TG: variants seen among roughly 807,000 people sequenced by gnomAD.
TG encodes the protein thyroglobulin.
TG carries 270 observed loss-of-function variants against 324.7 expected under a neutral mutation model. The ratio of observed to expected loss-of-function variants is 0.83; its 90% CI spans 0.75 to 0.92. The LOEUF (loss-of-function observed/expected upper bound fraction) is 0.92, where lower values mean the gene tolerates loss of function less well. TG is among the 40% of genes least tolerant of loss of function. The pLI, the probability that TG is intolerant of heterozygous loss-of-function variation, is 0.00. For synonymous variants in TG, 1,401 were observed against 1,327.0 expected (o/e 1.06, Z -1.21); for missense variants, 3,591 against 3,456.4 (o/e 1.04, Z -0.98).
intron 26 of TG, 46 bp from the exon 27 acceptor site, chr8:132,948,730 G>C (rs1192748898): frequency 6.2e-7 from 1 of 1,603,128 alleles, no homozygotes; most frequent in African/African-American, 1.3e-5. Context: ...GTCTCTAAAG[G>C]TCCCCCTCCA....
chr8:133,091,936 T>C (rs1847614997), intron 41 of TG, among the ~76,000 whole-genome samples: 1 of 152,122 alleles, frequency 6.6e-6, no homozygotes, highest in Non-Finnish European at 1.5e-5. Flanking sequence ...TGTGTGTGTG[T>C]GTGTTTCCAT....
At chr8:133,097,957 T>C (rs539322162) in intron 43 of TG, among the ~76,000 whole-genome samples, 3 of 152,286 alleles carry the variant, frequency 2.0e-5, no homozygotes, top group Non-Finnish European at 4.4e-5. Flanking sequence ...TGAGTGAGTG[T>C]GTGTGTGTTG....
intron 35 of TG, among the ~76,000 whole-genome samples, chr8:132,999,185 G>A (rs1306011161): frequency 6.6e-6 from 1 of 152,126 alleles, no homozygotes; most frequent in Non-Finnish European, 1.5e-5. Flanking sequence ...CAGAGAGAAG[G>A]ACGAGCAGGA....
rs1262994175 is a variant in TG, at chr8:133,096,195, A to C, written c.7405-11A>C. 1 of 1,614,208 alleles carries C rather than the reference A, an allele frequency of 6.2e-7. No homozygotes were observed. Among genetic ancestry groups the C allele is most frequent in the Admixed American group, 1.7e-5 (1 of 60,026 alleles). On this transcript the variant is annotated splice_polypyrimidine_tract_variant and intron_variant, in intron 42 of 47. Transcript: ENST00000220616. ...TTCCAGGACAACTGATTATTGTTGCATCCAATGCAGCTCCTGGCCGTGAGT... is the reference window on the plus strand; with the variant it reads ...TTCCAGGACAACTGATTATTGTTGCCTCCAATGCAGCTCCTGGCCGTGAGT...
rs1564084506 is a variant in TG at position 133,024,389 on chromosome 8, T to TC, written c.7036+2240dup. 4.9e-4 allele frequency among the ~76,000 whole-genome samples: 48 copies of TC among 98,314 alleles called. 1 individual carries two copies. Among genetic ancestry groups the TC allele is most frequent in the African/African-American group, 2.2e-3 (45 of 20,850 alleles). The allele number at this position is 98,314 out of a possible 152,430, so 64.5% of individuals were successfully genotyped here. Reference sequence around the variant, plus strand: ...TTCTTTCTTTCTTTCTTTCTTTCTTTCTTTTTCTTTTTTTAATTTTACTTT... The same window carrying TC: ...TTCTTTCTTTCTTTCTTTCTTTCTTTCCTTTTTCTTTTTTTAATTTTACTTT... On this transcript the variant is annotated intron_variant, in intron 40 of 47. Transcript: ENST00000220616.
In TG at chr8:132,869,716, G is replaced by A. The variant is rs376232549; in HGVS notation, c.177-13G>A. The A allele has an allele frequency of 8.1e-6, 13 of 1,613,782 alleles. No homozygotes were observed. The highest frequency in any genetic ancestry group is 1.3e-5 in the African/African-American group (1 of 74,956). ...CCCATCCCAGGGTCACCTGGTCTGTGTCTCCTCCTCAGGACTGTCCAGTGC... is the reference window on the plus strand; with the variant it reads ...CCCATCCCAGGGTCACCTGGTCTGTATCTCCTCCTCAGGACTGTCCAGTGC... On this transcript the variant is annotated splice_polypyrimidine_tract_variant and intron_variant, in intron 2 of 47. Coordinates refer to ENST00000220616, the MANE Select transcript of TG (RefSeq NM_003235.5).
chr8:133,002,923 A>C, intron 35 of TG: 1 of 869,690 alleles, frequency 1.1e-6, no homozygotes, highest in Non-Finnish European at 1.4e-6. Flanking sequence ...CCTGTGGGTT[A>C]TACCTTTTTG....
At chr8:133,044,841 G>T in intron 41 of TG, 1 of 780,042 alleles carries the variant, frequency 1.3e-6, no homozygotes, top group Non-Finnish European at 2.1e-6. Flanking sequence ...GAAATTTACA[G>T]TCTGAATTAA....
chr8:133,105,289 C>T (rs1301926958), intron 43 of TG, among the ~76,000 whole-genome samples: 2 of 152,214 alleles, frequency 1.3e-5, no homozygotes, highest in Non-Finnish European at 2.9e-5. Flanking sequence ...AACATCTCTG[C>T]TTCTGCCCCA....
chr8:133,041,730 C>CTGA (rs1442312751), intron 41 of TG, among the ~76,000 whole-genome samples: 58 of 151,286 alleles, frequency 3.8e-4, no homozygotes, highest in African/African-American at 1.3e-3. Context: ...GAGCCCAGCA[C>CTGA]TGAGCTAGCC....
At chr8:133,061,130 C>T (rs1842315731) in intron 41 of TG, among the ~76,000 whole-genome samples, 1 of 152,228 alleles carries the variant, frequency 6.6e-6, no homozygotes, top group Non-Finnish European at 1.5e-5. Context: ...CCTGCCTCAG[C>T]CTTCCAAGTA....
intron 35 of TG, among the ~76,000 whole-genome samples, chr8:133,006,813 T>C (rs2130862215): frequency 6.6e-6 from 1 of 152,316 alleles, no homozygotes; most frequent in East Asian, 1.9e-4. Context: ...ATTTAAAAGA[T>C]GAGATGTTAA....
At chr8:133,010,518 T>G (rs1438290050) in intron 35 of TG, among the ~76,000 whole-genome samples, 6 of 152,220 alleles carry the variant, frequency 3.9e-5, no homozygotes, top group Non-Finnish European at 5.9e-5. Flanking sequence ...ACAGAGATTT[T>G]CTTTATTAAT....
intron 10 of TG, 61 bp downstream of exon 10, chr8:132,888,629 G>GTA: frequency 6.9e-7 from 1 of 1,444,206 alleles, no homozygotes. Context: ...GTGTATGTGT[G>GTA]TTTAACATAT....
At chr8:133,096,885 T>C (rs4736432) in intron 43 of TG, among the ~76,000 whole-genome samples, 101,798 of 152,112 alleles carry the variant, frequency 0.67, 34,657 homozygotes, top group Middle Eastern at 0.75. Context: ...GGAGGCACAG[T>C]GAAGTGGGAG....
intron 39 of TG, 72 bp from the exon 40 acceptor site, chr8:133,021,919 A>G: frequency 6.3e-7 from 1 of 1,599,034 alleles, no homozygotes; most frequent in East Asian, 2.2e-5. Flanking sequence ...TGTGTCAACC[A>G]AGAATCAGGC....
At chr8:132,889,758 C>T (rs1815963536) in intron 10 of TG, among the ~76,000 whole-genome samples, 1 of 152,262 alleles carries the variant, frequency 6.6e-6, no homozygotes. Flanking sequence ...GTTGTTGATA[C>T]CAAAAGTACC....
chr8:133,104,344 A>G (rs1187395097), intron 43 of TG, among the ~76,000 whole-genome samples: 1 of 152,354 alleles, frequency 6.6e-6, no homozygotes, highest in Non-Finnish European at 1.5e-5. Context: ...TTTAAAAAGG[A>G]ACATTTCTGG....
intron 10 of TG, among the ~76,000 whole-genome samples, chr8:132,889,672 C>T (rs531454475): frequency 6.6e-6 from 1 of 152,338 alleles, no homozygotes; most frequent in East Asian, 1.9e-4. Flanking sequence ...AGGTCTCTTA[C>T]ATGGGGACAT....
Sources: allele counts gnomAD v4.1 joint callset (sites outside exome capture counted in the v4.1 genomes callset), GRCh38; gene constraint gnomAD v4.1.1; transcripts MANE v1.5; gene names NCBI Gene and HGNC (gene_info 2026-07-23, HGNC 2026-07-21).